Variants in EP400 observed in about 807,000 individuals in gnomAD.
EP400 encodes E1A binding protein p400, also known as E1A-binding protein p400.
In EP400, 105 loss-of-function variants were observed where a neutral mutation model predicts 354.1. That is an observed-to-expected ratio of 0.30 (90% confidence interval 0.25 to 0.35). EP400 has a LOEUF of 0.35. EP400 is among the 10% of genes least tolerant of loss of function. EP400 has a pLI of 1.00. For synonymous variants in EP400, 1,646 were observed against 1,716.9 expected (o/e 0.96, Z 1.02); for missense variants, 3,280 against 4,121.0 (o/e 0.80, Z 5.59).
chr12:132,021,397 G>C, intron 23 of EP400, 76 bp downstream of exon 23: 1 of 1,431,818 alleles, frequency 7.0e-7, no homozygotes. Flanking sequence ...CGGGGATGTA[G>C]GAGGAGCCTT....
Position 131,995,023 on chromosome 12 carries a change from G to T in EP400, c.2827+67G>T, listed in dbSNP as rs1893156877. 2.8e-6 allele frequency: 4 copies of T among 1,433,194 alleles called. No homozygotes were observed. The Admixed American group carries it at 5.2e-5, about 18-fold the overall frequency. The allele number at this position is 1,433,194 out of a possible 1,614,324, so 88.8% of individuals were successfully genotyped here. A position where few individuals can be genotyped will look rare whatever the true frequency, so the allele number is the denominator to read the frequency against. On this transcript the variant is annotated intron_variant, in intron 12 of 52. Coordinates refer to ENST00000389561, the MANE Select transcript of EP400 (RefSeq NM_015409.5). ...GAAACATTTAAAACATGTGAGATGT[G>T]AATAATAATATATTGAGTAACAACA... is the stretch of plus-strand genomic sequence containing the variant.
intron 5 of EP400, 129 bp from the exon 6 acceptor site, chr12:131,986,385 G>A: frequency 2.4e-6 from 2 of 832,284 alleles, no homozygotes; most frequent in Non-Finnish European, 3.8e-6. Context: ...TGATTTGTCT[G>A]CTTGCATCGT....
chr12:131,967,120 C>T (rs1308480812), intron 2 of EP400, among the ~76,000 whole-genome samples: 1 of 151,860 alleles, frequency 6.6e-6, no homozygotes, highest in Non-Finnish European at 1.5e-5. Flanking sequence ...TGGCTCATGC[C>T]TGTAATTCCA....
chr12:131,966,851 C>G (rs1892110102), intron 2 of EP400, among the ~76,000 whole-genome samples: 2 of 145,188 alleles, frequency 1.4e-5, no homozygotes, highest in Admixed American at 1.4e-4. Context: ...TTACAGTGAG[C>G]CGAGTTCACC....
chr12:132,045,968 C>A, intron 39 of EP400, 68 bp downstream of exon 39: 1 of 1,560,752 alleles, frequency 6.4e-7, no homozygotes, highest in East Asian at 2.3e-5. Flanking sequence ...CCTGCAGTTT[C>A]AGCTCCAGTC....
At chr12:132,043,536 G>A (rs1894983827) in intron 33 of EP400, 74 bp downstream of exon 33, 13 of 1,580,964 alleles carry the variant, frequency 8.2e-6, no homozygotes, top group African/African-American at 1.4e-5. Flanking sequence ...ATTGTTTACT[G>A]CAAGAAAAAT....
At chr12:132,031,907 C>T (rs376433079) in intron 29 of EP400, 46 bp from the exon 30 acceptor site, 4 of 1,548,770 alleles carry the variant, frequency 2.6e-6, no homozygotes, top group Non-Finnish European at 3.5e-6. Context: ...AAAGGTTTCC[C>T]AACATTTTCC....
At chr12:131,976,172 T>C (rs975953975) in intron 2 of EP400, among the ~76,000 whole-genome samples, 1 of 152,238 alleles carries the variant, frequency 6.6e-6, no homozygotes. Context: ...CTTTATGACC[T>C]TGGGCATACA....
At chr12:131,973,625 G>A (rs545013202) in intron 2 of EP400, among the ~76,000 whole-genome samples, 1 of 152,090 alleles carries the variant, frequency 6.6e-6, no homozygotes, top group Non-Finnish European at 1.5e-5. Context: ...CCTGGGCAGC[G>A]GAGCAAGACT....
intron 2 of EP400, among the ~76,000 whole-genome samples, chr12:131,968,950 A>C (rs1269670720): frequency 1.3e-5 from 2 of 152,082 alleles, no homozygotes; most frequent in Non-Finnish European, 1.5e-5. Flanking sequence ...TTTTTTGTAG[A>C]TTCCATGGGA....
At chr12:132,011,353 T>C in intron 15 of EP400, 145 bp from the exon 16 acceptor site, 1 of 1,007,482 alleles carries the variant, frequency 9.9e-7, no homozygotes, top group Non-Finnish European at 1.5e-6. Flanking sequence ...TGAATGCACT[T>C]GTTCCCCCCC....
At chr12:131,965,709 C>G (rs1892052270) in intron 2 of EP400, among the ~76,000 whole-genome samples, 1 of 152,166 alleles carries the variant, frequency 6.6e-6, no homozygotes, top group Non-Finnish European at 1.5e-5. Context: ...TCTATGGAAT[C>G]CTAGTCTGGG....
Position 132,042,673 on chromosome 12 carries a change from A to G in EP400, c.6208-631A>G, listed in dbSNP as rs116917205. ...AATTTGTATCTTCTAACTAAAAACC[A>G]TACCTCCATGTCAGATGTCTTTTGC... On this transcript the variant is annotated intron_variant, in intron 32 of 52. Coordinates refer to ENST00000389561, the MANE Select transcript of EP400 (RefSeq NM_015409.5). Among the ~76,000 whole-genome samples, 1,089 of 152,342 alleles carry G rather than the reference A, an allele frequency of 7.1e-3. 35 individuals carry two copies. In the South Asian group the frequency reaches 0.094, roughly 13 times the overall value.
At chr12:131,971,352 T>A (rs986124213) in intron 2 of EP400, among the ~76,000 whole-genome samples, 1 of 152,238 alleles carries the variant, frequency 6.6e-6, no homozygotes, top group East Asian at 1.9e-4. Flanking sequence ...TAGTATTCCA[T>A]GTGTATATAC....
intron 5 of EP400, among the ~76,000 whole-genome samples, chr12:131,983,251 C>T (rs1055922418): frequency 2.0e-5 from 3 of 152,194 alleles, no homozygotes; most frequent in African/African-American, 7.2e-5. Context: ...TGTTGGACAC[C>T]ACCCACCAGA....
At chr12:132,019,820 T>C (rs1894066129) in intron 21 of EP400, among the ~76,000 whole-genome samples, 3 of 152,216 alleles carry the variant, frequency 2.0e-5, no homozygotes, top group African/African-American at 4.8e-5. Context: ...GGATGTACCA[T>C]ACCACTTTGG....
chr12:132,065,375 G>T, intron 48 of EP400: 1 of 158,902 alleles, frequency 6.3e-6, no homozygotes, highest in South Asian at 1.9e-4. Context: ...CTCTCAGCAG[G>T]TGCCAGCGTC....
rs942855920 is a variant in EP400, at chr12:132,038,935, A to G, written c.6207+839A>G. On this transcript the variant is annotated intron_variant, in intron 32 of 52. Coordinates refer to ENST00000389561, the MANE Select transcript of EP400 (RefSeq NM_015409.5). The surrounding 1 kb of genome is among the most constrained non-coding windows in gnomAD (Gnocchi z 4.2). ...TTGGAAGGATTTGGTATCCCTGTAC[A>G]TCTTTCTTCCTGCCCTGTTTGACTG... Among the ~76,000 whole-genome samples the G allele has an allele frequency of 3.9e-5, 6 of 152,188 alleles. No homozygotes were observed. In the South Asian group the frequency reaches 6.2e-4, roughly 16 times the overall value.
chr12:132,058,735 C>T (rs1198277576), intron 45 of EP400, among the ~76,000 whole-genome samples: 2 of 151,812 alleles, frequency 1.3e-5, no homozygotes, highest in Non-Finnish European at 2.9e-5. Context: ...TAACGTGCTC[C>T]TACGTATGTA....
Sources: allele counts gnomAD v4.1 joint callset (sites outside exome capture counted in the v4.1 genomes callset), GRCh38; gene constraint gnomAD v4.1.1; non-coding constraint Gnocchi (gnomAD v3.1); transcripts MANE v1.5; gene names NCBI Gene and HGNC (gene_info 2026-07-23, HGNC 2026-07-21).